PCDHGA3: variants seen among roughly 807,000 people sequenced by gnomAD.
The protein encoded by PCDHGA3 is protocadherin gamma-A3.
Under a neutral mutation model 58.5 loss-of-function variants are expected in PCDHGA3, and 40 were observed. The ratio of observed to expected loss-of-function variants is 0.68; its 90% CI spans 0.53 to 0.89. The LOEUF is 0.89. Among genes scored for constraint, PCDHGA3 ranks in the 40% least tolerant of loss-of-function variants. The probability of loss-of-function intolerance (pLI) is 0.00; values close to 1 mark genes in which losing one functional copy is unlikely to be tolerated. For synonymous variants in PCDHGA3, 530 were observed against 525.7 expected, an observed-to-expected ratio of 1.01 and a Z score of -0.11; for missense variants, 1,223 against 1,195.9, an observed-to-expected ratio of 1.02 and a Z score of -0.33.
Position 141,476,735 on chromosome 5 carries a change from G to C in PCDHGA3, c.2425-18072G>C, listed in dbSNP as rs1267556668. The C allele has an allele frequency of 6.2e-7, 1 of 1,613,974 alleles. No individual in the cohort carries two copies. Among genetic ancestry groups the C allele is most frequent in the African/African-American group, 1.3e-5 (1 of 74,940 alleles). On this transcript the variant is annotated intron_variant, in intron 1 of 3. Coordinates refer to ENST00000253812, the MANE Select transcript of PCDHGA3 (RefSeq NM_018916.4). This position sits in a 1 kb window ranked among gnomAD's most constrained non-coding sequence, Gnocchi z 7.6. ...GGAGCGCGCCCTGGACCGAGAACGG[G>C]AGCCTAGTCTCCAGTTAGTGCTGAC...
chr5:141,489,610 C>G lies in PCDHGA3; in HGVS notation c.2425-5197C>G, dbSNP rs142775705. 3,083 of 1,614,088 alleles carry G rather than the reference C, an allele frequency of 1.9e-3. 6 individuals are homozygous for G. Among genetic ancestry groups the G allele is most frequent in the Non-Finnish European group, 2.4e-3 (2,793 of 1,179,988 alleles). ...GCTAATCCGTGTAGAGGTAGAGATC[C>G]TGGATCTCAATGACAACTCTCCTAG... On this transcript the variant is annotated intron_variant, in intron 1 of 3. Transcript: ENST00000253812. The surrounding 1 kb of genome is among the most constrained non-coding windows in gnomAD (Gnocchi z 4.5).
chr5:141,412,893 A>C (rs1190008207), intron 1 of PCDHGA3: 6 of 340,884 alleles, frequency 1.8e-5, no homozygotes, highest in Non-Finnish European at 2.6e-5. Flanking sequence ...AGAATAGTTT[A>C]CTTTCCATTG....
intron 3 of PCDHGA3, chr5:141,508,415 A>T (rs2099868684): frequency 6.6e-6 from 1 of 152,158 alleles, no homozygotes; most frequent in Non-Finnish European, 1.5e-5. Context: ...CCACGCAGAG[A>T]CTTGACCAAG....
At chr5:141,429,037 G>A (rs1404164429) in intron 1 of PCDHGA3, 1 of 152,054 alleles carries the variant, frequency 6.6e-6, no homozygotes, top group African/African-American at 2.4e-5. Flanking sequence ...TGCATTTTTA[G>A]TACAGACGGG....
chr5:141,413,371 C>T lies in PCDHGA3; in HGVS notation c.2424+66914C>T, dbSNP rs752898022. 3.7e-6 allele frequency: 6 copies of T among 1,613,966 alleles called. No individual in the cohort carries two copies. In the Admixed American group the frequency reaches 8.3e-5, roughly 22 times the overall value. On this transcript the variant is annotated intron_variant, in intron 1 of 3. Coordinates refer to ENST00000253812, the MANE Select transcript of PCDHGA3 (RefSeq NM_018916.4). ...TCTGGCGCCCCGGGAGCTGGCGGAG[C>T]GCGGAGTCCGCATAGTCTCCAGAGG...
chr5:141,477,263 G>A lies in PCDHGA3; in HGVS notation c.2425-17544G>A, dbSNP rs543767777. 1.4e-5 allele frequency: 23 copies of A among 1,614,192 alleles called. No individual in the cohort carries two copies. The highest frequency in any genetic ancestry group is 1.8e-5 in the Non-Finnish European group (21 of 1,180,046). On this transcript the variant is annotated intron_variant, in intron 1 of 3. Transcript: ENST00000253812. The surrounding 1 kb of genome is among the most constrained non-coding windows in gnomAD (Gnocchi z 4.9). The stretch of plus-strand genomic sequence containing the variant: ...CAGTGTGACTGACCTGGATGCTGGC[G>A]AGAACGGGCTGGTGACCTGCGAAGT...
intron 1 of PCDHGA3, chr5:141,371,772 C>A (rs1169459102): frequency 6.2e-7 from 1 of 1,614,022 alleles, no homozygotes; most frequent in Admixed American, 1.7e-5. Context: ...CTACACCGTG[C>A]ATGTAGCTGA....
chr5:141,481,900 C>T (rs949418188), intron 1 of PCDHGA3, among the ~76,000 whole-genome samples: 13 of 126,002 alleles, frequency 1.0e-4, no homozygotes, highest in African/African-American at 3.2e-4. Flanking sequence ...GGTGAAAGAG[C>T]GAAACTCCAT....
intron 1 of PCDHGA3, chr5:141,478,072 G>A (rs752905249): frequency 6.2e-7 from 1 of 1,614,048 alleles, no homozygotes; most frequent in Admixed American, 1.7e-5. Flanking sequence ...AAGACAATGG[G>A]GAGCCTTCGC....
chr5:141,404,974 C>A, intron 1 of PCDHGA3: 1 of 1,614,022 alleles, frequency 6.2e-7, no homozygotes, highest in South Asian at 1.1e-5. Flanking sequence ...TCCTGGCTGA[C>A]CTGGGCAGTC....
chr5:141,445,311 G>A (rs2098463310), intron 1 of PCDHGA3, among the ~76,000 whole-genome samples: 1 of 152,150 alleles, frequency 6.6e-6, no homozygotes, highest in East Asian at 1.9e-4. Flanking sequence ...CAGTTTGTAG[G>A]TTGAGAGAAC....
At chr5:141,415,083 G>T (rs747351388) in intron 1 of PCDHGA3, 1 of 1,613,514 alleles carries the variant, frequency 6.2e-7, no homozygotes. Context: ...CGCGAGCCCT[G>T]CTGGACAGAG....
intron 1 of PCDHGA3, chr5:141,393,960 G>A (rs2092885452): frequency 4.3e-6 from 7 of 1,613,944 alleles, no homozygotes; most frequent in Non-Finnish European, 5.1e-6. Context: ...TGGTCAAGTT[G>A]TCTGTTACAC....
chr5:141,499,233 C>A (rs1047984757), intron 2 of PCDHGA3, among the ~76,000 whole-genome samples: 2 of 152,116 alleles, frequency 1.3e-5, no homozygotes, highest in Non-Finnish European at 2.9e-5. Context: ...CAGCTGTCCC[C>A]AGCCTCTGCA....
Position 141,344,857 on chromosome 5 carries a change from C to T in PCDHGA3, c.824C>T (p.Ala275Val). ...ACTGACCCTGACGAGGGATTCAATG[C>T]TCAAGTGTCTTATATTCTAGATAAA... ...NATDPDEGFN[A>V]QVSYILDKMP... The change falls in exon 1 of 4, where the codon GCT (alanine) becomes GTT (valine). Residue 275 changes from alanine (A) to valine (V), a missense_variant. Transcript: ENST00000253812. The T allele has an allele frequency of 6.2e-7, 1 of 1,613,894 alleles. No individual in the cohort carries two copies. Among genetic ancestry groups the T allele is most frequent in the Non-Finnish European group, 8.5e-7 (1 of 1,179,850 alleles).
chr5:141,376,562 C>A, intron 1 of PCDHGA3: 1 of 1,608,850 alleles, frequency 6.2e-7, no homozygotes, highest in Non-Finnish European at 8.5e-7. Context: ...CGCAACCCAA[C>A]TAATCAGACA....
In PCDHGA3 at chr5:141,399,258, G is replaced by T; in HGVS notation, c.2424+52801G>T. On this transcript the variant is annotated intron_variant, in intron 1 of 3. Coordinates refer to ENST00000253812, the MANE Select transcript of PCDHGA3 (RefSeq NM_018916.4). ...ACCAAGATTCTGGGGAAAATGGGGA[G>T]GTTAATTGTCAATTACAAGGCGAAG... 4 of 1,613,870 alleles carry T rather than the reference G, an allele frequency of 2.5e-6. No homozygotes were observed. Among genetic ancestry groups the T allele is most frequent in the East Asian group, 2.2e-5 (1 of 44,878 alleles).
chr5:141,430,151 A>T (rs774490087), intron 1 of PCDHGA3, among the ~76,000 whole-genome samples: 8 of 152,166 alleles, frequency 5.3e-5, no homozygotes, highest in Non-Finnish European at 8.8e-5. Flanking sequence ...GGATCATTCA[A>T]GGAATCTATT....
chr5:141,398,812 C>A, intron 1 of PCDHGA3: 1 of 1,613,942 alleles, frequency 6.2e-7, no homozygotes, highest in South Asian at 1.1e-5. Context: ...CACTGAGCTC[C>A]GGATCCAGGT....
Sources: gnomAD v4.1 joint callset for allele counts (sites outside exome capture counted in the v4.1 genomes callset) on GRCh38, gnomAD v4.1.1 for gene constraint, Gnocchi (gnomAD v3.1) non-coding constraint, MANE v1.5 for transcripts, NCBI Gene and HGNC (gene_info 2026-07-23, HGNC 2026-07-21) for gene names.